KIRREL3: variants seen among roughly 807,000 people sequenced by gnomAD.
KIRREL3 encodes kirre like nephrin family adhesion molecule 3.
A neutral mutation model predicts 89.7 loss-of-function variants in KIRREL3; 36 were observed. The observed-to-expected ratio is 0.40, with a 90% CI of 0.31 to 0.53. KIRREL3 has a LOEUF of 0.53. KIRREL3 is among the 20% of genes least tolerant of loss of function. The pLI is 0.49. For missense variants in KIRREL3, 864 were observed against 1,056.6 expected (o/e 0.82, Z 2.53); for synonymous variants, 445 against 441.4 (o/e 1.01, Z -0.10).
At position 126,642,167 on chromosome 11, in the gene KIRREL3, T is replaced by C. The variant is rs1944496780; in HGVS notation, c.56-79255A>G. Among the ~76,000 whole-genome samples the C allele has an allele frequency of 6.6e-6, 1 of 152,220 alleles. No homozygotes were observed. The highest frequency in any genetic ancestry group is 1.5e-5 in the Non-Finnish European group (1 of 68,036). ...GAGGGACCTCCAACAATCTTGTTAGTGCATCAAGTAATAGATTTTTGACAG... is the reference window on the plus strand; with the variant it reads ...GAGGGACCTCCAACAATCTTGTTAGCGCATCAAGTAATAGATTTTTGACAG... On this transcript the variant is annotated intron_variant, in intron 1 of 16. Coordinates refer to ENST00000525144, the MANE Select transcript of KIRREL3 (RefSeq NM_032531.4). This position sits in a 1 kb window ranked among gnomAD's most constrained non-coding sequence, Gnocchi z 4.9.
intron 1 of KIRREL3, among the ~76,000 whole-genome samples, chr11:126,745,355 C>T (rs759178763): frequency 4.5e-4 from 69 of 151,902 alleles, no homozygotes; most frequent in Admixed American, 9.2e-4. Flanking sequence ...TCATTAAAAA[C>T]AGCATTTGGT....
In KIRREL3 at chr11:126,771,500, A is replaced by G. The variant is rs1295364853; in HGVS notation, c.56-208588T>C. 6.6e-6 allele frequency among the ~76,000 whole-genome samples: 1 copy of G among 152,156 alleles called. No homozygotes were observed. Among genetic ancestry groups the G allele is most frequent in the Non-Finnish European group, 1.5e-5 (1 of 68,032 alleles). On this transcript the variant is annotated intron_variant, in intron 1 of 16. Transcript: ENST00000525144. This position sits in a 1 kb window ranked among gnomAD's most constrained non-coding sequence, Gnocchi z 4.4. Reference sequence around the variant, plus strand: ...CATCTTTTTTGGCTTTGCTGTACAGATTGGTGCAAAAATAATCACAATTTT... The same window carrying G: ...CATCTTTTTTGGCTTTGCTGTACAGGTTGGTGCAAAAATAATCACAATTTT...
In KIRREL3 at chr11:126,741,432, G is replaced by A. The variant is rs769745752; in HGVS notation, c.56-178520C>T. 2.0e-4 allele frequency among the ~76,000 whole-genome samples: 30 copies of A among 152,184 alleles called. No homozygotes were observed. The Middle Eastern group carries it at 0.014, about 69-fold the overall frequency. ...TCTTGCAGGTCTCTGTAATTCATAC[G>A]GAGCCAGACACTGAACTCCACCTTC... On this transcript the variant is annotated intron_variant, in intron 1 of 16. Coordinates refer to ENST00000525144, the MANE Select transcript of KIRREL3 (RefSeq NM_032531.4).
chr11:126,667,097 G>A (rs1042874771), intron 1 of KIRREL3, among the ~76,000 whole-genome samples: 5 of 152,094 alleles, frequency 3.3e-5, no homozygotes, highest in Non-Finnish European at 7.4e-5. Context: ...AAGGAAAAAA[G>A]CTCCAGACTA....
At chr11:126,916,497 A>C (rs1255163637) in intron 1 of KIRREL3, among the ~76,000 whole-genome samples, 2 of 152,186 alleles carry the variant, frequency 1.3e-5, no homozygotes, top group Non-Finnish European at 2.9e-5. Context: ...CGAACTGCAA[A>C]ATGAAGGAAT....
At chr11:126,923,349 TTCCTTCTCCTTC>T (rs200449757) in intron 1 of KIRREL3, among the ~76,000 whole-genome samples, 2 of 116,076 alleles carry the variant, frequency 1.7e-5, no homozygotes, top group South Asian at 3.5e-4. Context: ...CTTCTCCTTC[TTCCTTCTCCTTC>T]TCCTTCTCCT....
At chr11:126,956,406 TC>T (rs1205148824) in intron 1 of KIRREL3, among the ~76,000 whole-genome samples, 1 of 152,190 alleles carries the variant, frequency 6.6e-6, no homozygotes, top group Non-Finnish European at 1.5e-5. Context: ...TCTCCTCATA[TC>T]TTCATCAGTC....
At position 126,498,511 on chromosome 11, in the gene KIRREL3, T is replaced by C. The variant is rs2134358913; in HGVS notation, c.433+22804A>G. On this transcript the variant is annotated intron_variant, in intron 4 of 16. Coordinates refer to ENST00000525144, the MANE Select transcript of KIRREL3 (RefSeq NM_032531.4). The surrounding 1 kb of genome is among the most constrained non-coding windows in gnomAD (Gnocchi z 4.3). ...AAGGGGTGGCAGCGAGAGATAATTA[T>C]AATCAGATCTAATTAGTAATTATAA... Among the ~76,000 whole-genome samples, 1 of 152,354 alleles carries C rather than the reference T, an allele frequency of 6.6e-6. No individual in the cohort carries two copies. The highest frequency in any genetic ancestry group is 2.1e-4 in the South Asian group (1 of 4,830).
chr11:126,996,892 G>A lies in KIRREL3; in HGVS notation c.55+3563C>T, dbSNP rs968540486. 1.3e-5 allele frequency among the ~76,000 whole-genome samples: 2 copies of A among 152,198 alleles called. No homozygotes were observed. The highest frequency in any genetic ancestry group is 2.9e-5 in the Non-Finnish European group (2 of 68,032). ...ACCTTCACAACCACAGAATCACAAG[G>A]CAGGACAGGACGCTCTAGGAATGCC... On this transcript the variant is annotated intron_variant, in intron 1 of 16. Transcript: ENST00000525144. The surrounding 1 kb of genome is among the most constrained non-coding windows in gnomAD (Gnocchi z 4.7).
intron 1 of KIRREL3, among the ~76,000 whole-genome samples, chr11:126,820,467 C>T (rs1029222000): frequency 2.0e-5 from 3 of 152,124 alleles, no homozygotes; most frequent in Non-Finnish European, 4.4e-5. Context: ...GATTCTGACC[C>T]AGAGGAGTTT....
In KIRREL3 at chr11:126,535,856, G is replaced by A. The variant is rs1400467957; in HGVS notation, c.134-9169C>T. Reference sequence around the variant, plus strand: ...AAAAATTAGCGGGACATGGTGGTGCGTGCCTGTAATCCCAGCTACTCAGGA... The same window carrying A: ...AAAAATTAGCGGGACATGGTGGTGCATGCCTGTAATCCCAGCTACTCAGGA... On this transcript the variant is annotated intron_variant, in intron 2 of 16. Transcript: ENST00000525144. The surrounding 1 kb of genome is among the most constrained non-coding windows in gnomAD (Gnocchi z 4.5). Among the ~76,000 whole-genome samples, 6 of 152,118 alleles carry A rather than the reference G, an allele frequency of 3.9e-5. No homozygotes were observed. Among genetic ancestry groups the A allele is most frequent in the Admixed American group, 2.6e-4 (4 of 15,268 alleles).
In KIRREL3 at chr11:126,440,175, T is replaced by G. The variant is rs200193748; in HGVS notation, c.1353+274A>C. On this transcript the variant is annotated intron_variant, in intron 11 of 16. Transcript: ENST00000525144. The stretch of plus-strand genomic sequence containing the variant: ...TCTCTCCACTACCCTCGTGTGCCCC[T>G]CTGCCCTTAGGATGCGGAATTTGGT... 43 of 665,830 alleles carry G rather than the reference T, an allele frequency of 6.5e-5. No homozygotes were observed. In the Middle Eastern group the frequency reaches 2.2e-3, roughly 33 times the overall value. 41.2% of individuals were successfully genotyped at this position (665,830 alleles called of 1,614,324 possible).
chr11:126,713,856 C>T (rs1257782015), intron 1 of KIRREL3, among the ~76,000 whole-genome samples: 2 of 152,090 alleles, frequency 1.3e-5, no homozygotes, highest in African/African-American at 4.8e-5. Context: ...GAGCACGGAA[C>T]AGCATCTGAA....
rs1565338305 is a variant in KIRREL3, at chr11:126,835,308, G to A, written c.55+165147C>T. Among the ~76,000 whole-genome samples the A allele has an allele frequency of 6.6e-5, 10 of 152,166 alleles. No homozygotes were observed. In the South Asian group the frequency reaches 2.1e-3, roughly 32 times the overall value. On this transcript the variant is annotated intron_variant, in intron 1 of 16. Transcript: ENST00000525144. ...TTCTTTGACCCCTTGTGGATGCTAA[G>A]GTATAGCCAAGGAATAAATAGGCTG...
intron 5 of KIRREL3, among the ~76,000 whole-genome samples, chr11:126,472,910 T>C: frequency 6.9e-6 from 1 of 145,532 alleles, no homozygotes; most frequent in African/African-American, 2.6e-5. Flanking sequence ...GCTGGTTCCC[T>C]CCCCATCCAG....
chr11:126,448,952 T>C, intron 8 of KIRREL3, 57 bp downstream of exon 8: 1 of 1,527,478 alleles, frequency 6.5e-7, no homozygotes, highest in Admixed American at 1.9e-5. Flanking sequence ...TCTCCAGCTC[T>C]AAGCAGAAAC....
At chr11:126,512,648 G>A (rs1332678449) in intron 4 of KIRREL3, among the ~76,000 whole-genome samples, 1 of 152,196 alleles carries the variant, frequency 6.6e-6, no homozygotes, top group Admixed American at 6.5e-5. Flanking sequence ...GCAGACACCC[G>A]AGGATCGAGG....
At chr11:126,798,451 A>G (rs1950883845) in intron 1 of KIRREL3, among the ~76,000 whole-genome samples, 1 of 152,246 alleles carries the variant, frequency 6.6e-6, no homozygotes, top group Non-Finnish European at 1.5e-5. Context: ...AGAATTAGGT[A>G]AACACATTTT....
intron 2 of KIRREL3, among the ~76,000 whole-genome samples, chr11:126,529,491 C>T (rs1442290265): frequency 6.6e-6 from 1 of 151,830 alleles, no homozygotes; most frequent in Non-Finnish European, 1.5e-5. Context: ...TGAGGGGGAG[C>T]ATCTCCCGAT....
Sources: allele counts gnomAD v4.1 joint callset (sites outside exome capture counted in the v4.1 genomes callset), GRCh38; gene constraint gnomAD v4.1.1; non-coding constraint Gnocchi (gnomAD v3.1); transcripts MANE v1.5; gene names NCBI Gene and HGNC (gene_info 2026-07-23, HGNC 2026-07-21).